Variants in F3 observed in about 807,000 individuals in gnomAD.
F3 encodes tissue factor.
F3 carries 18 observed loss-of-function variants against 33.5 expected under a neutral mutation model. That is an observed-to-expected ratio of 0.54 (90% CI 0.37 to 0.80). F3 has a LOEUF of 0.80. Ranked by LOEUF, F3 falls within the 30% of genes least tolerant of loss-of-function variation. F3 has a pLI of 0.00. For missense variants in F3, 353 were observed against 362.1 expected (o/e 0.97, Z 0.20); for synonymous variants, 147 against 140.7 (o/e 1.05, Z -0.32).
chr1:94,532,250 G>T, intron 5 of F3, 71 bp downstream of exon 5: 1 of 1,451,516 alleles, frequency 6.9e-7, no homozygotes, highest in Non-Finnish European at 9.4e-7. Context: ...AGCCCTGAGG[G>T]TGGAGCTACT....
At chr1:94,531,031 C>T (rs1372593578) in intron 5 of F3, among the ~76,000 whole-genome samples, 2 of 152,000 alleles carry the variant, frequency 1.3e-5, no homozygotes, top group African/African-American at 2.4e-5. Flanking sequence ...GTGGAAGTGG[C>T]GTTTGAAATG....
At position 94,530,456 on chromosome 1, in the gene F3, T is replaced by C; in HGVS notation, c.*4A>G. 6.2e-7 allele frequency: 1 copy of C among 1,614,120 alleles called. No homozygotes were observed. Among genetic ancestry groups the C allele is most frequent in the Non-Finnish European group, 8.5e-7 (1 of 1,180,032 alleles). On this transcript the variant is annotated 3_prime_UTR_variant, in exon 6 of 6. Coordinates refer to ENST00000334047, the MANE Select transcript of F3 (RefSeq NM_001993.5). The stretch of plus-strand genomic sequence containing the variant: ...CATTTGCAGTAGCTCCAACAGTGCT[T>C]CCTTTATGAAACATTCAGTGGGGAG...
At chr1:94,540,944 A>G (rs1024424789) in intron 1 of F3, 1 of 153,540 alleles carries the variant, frequency 6.5e-6, no homozygotes, top group African/African-American at 2.4e-5. Context: ...CTTTGCCAGT[A>G]CGCAGCAGGT....
In F3 at chr1:94,533,253, G is replaced by C; in HGVS notation, c.428C>G (p.Pro143Arg). 1 of 1,612,068 alleles carries C rather than the reference G, an allele frequency of 6.2e-7. No individual in the cohort carries two copies. Among genetic ancestry groups the C allele is most frequent in the East Asian group, 2.2e-5 (1 of 44,856 alleles). The change falls in exon 4 of 6, where the codon CCA (proline) becomes CGA (arginine). Residue 143 changes from proline to arginine, a missense_variant. By Grantham distance (103) the Pro-to-Arg change is moderately radical. Transcript: ENST00000334047. ...CACCTGTTCAAAACTCTGAATTGTT[G>C]GCTGTCCGAGGTTTGCTGAAACAAA... Reference protein sequence around the residue: ...TPYLETNLGQPTIQSFEQVGT... With the variant: ...TPYLETNLGQRTIQSFEQVGT...
At chr1:94,534,149 G>A (rs553464549) in intron 3 of F3, among the ~76,000 whole-genome samples, 7 of 152,256 alleles carry the variant, frequency 4.6e-5, no homozygotes, top group Admixed American at 1.3e-4. Flanking sequence ...TTACAGGCAC[G>A]AGCCACCATG....
Position 94,530,539 on chromosome 1 carries a change from A to G in F3, c.809T>C (p.Leu270Pro). Residue 270 changes from leucine to proline, a missense_variant, in exon 6 of 6, where the codon CTG (leucine) becomes CCG (proline). Physicochemically the swap from Leu to Pro is moderately conservative, Grantham distance 98 (BLOSUM62 -3). Transcript: ENST00000334047. Reference protein sequence around the residue: ...VFVVIILVIILAISLHKCRKA... With the variant: ...VFVVIILVIIPAISLHKCRKA... ...TCTACACTTGTGTAGAGATATAGCC[A>G]GGATGATGACAAGGATGATGACCAC... The G allele has an allele frequency of 6.2e-7, 1 of 1,614,144 alleles. No homozygotes were observed. Among genetic ancestry groups the G allele is most frequent in the Non-Finnish European group, 8.5e-7 (1 of 1,179,994 alleles).
At chr1:94,531,503 T>G (rs1392791076) in intron 5 of F3, among the ~76,000 whole-genome samples, 1 of 152,114 alleles carries the variant, frequency 6.6e-6, no homozygotes, top group Non-Finnish European at 1.5e-5. Context: ...GCTTTTACCA[T>G]GTTGGCCAGG....
chr1:94,538,558 T>C (rs1651682251), intron 2 of F3, among the ~76,000 whole-genome samples: 1 of 152,222 alleles, frequency 6.6e-6, no homozygotes, highest in African/African-American at 2.4e-5. Context: ...TTCCTCCCGC[T>C]TTGGAGCCTC....
At chr1:94,539,344 C>T (rs1279445941) in intron 2 of F3, among the ~76,000 whole-genome samples, 1 of 152,058 alleles carries the variant, frequency 6.6e-6, no homozygotes, top group Non-Finnish European at 1.5e-5. Flanking sequence ...AAAACAAGAA[C>T]ATTCACTTAA....
chr1:94,533,777 T>C (rs1047621600), intron 3 of F3, among the ~76,000 whole-genome samples: 2 of 152,142 alleles, frequency 1.3e-5, no homozygotes, highest in Non-Finnish European at 2.9e-5. Flanking sequence ...ATGATCCACT[T>C]CCACTTTATC....
intron 2 of F3, among the ~76,000 whole-genome samples, chr1:94,537,888 T>C (rs1448686533): frequency 1.3e-5 from 2 of 152,258 alleles, no homozygotes; most frequent in African/African-American, 2.4e-5. Flanking sequence ...TGTTTCCTTT[T>C]TATCAGTACA....
chr1:94,538,185 T>C (rs1337760662), intron 2 of F3, among the ~76,000 whole-genome samples: 1 of 152,224 alleles, frequency 6.6e-6, no homozygotes, highest in East Asian at 1.9e-4. Context: ...GAATTTTGAG[T>C]TAACTAAAAA....
chr1:94,533,066 A>G, intron 4 of F3, 24 bp downstream of exon 4: 1 of 1,604,120 alleles, frequency 6.2e-7, no homozygotes. Context: ...AACAGGTCAT[A>G]AAAACAAATT....
rs756016272 is a variant in F3 at position 94,536,863 on chromosome 1, T to C, written c.213-699A>G. Among the ~76,000 whole-genome samples the C allele has an allele frequency of 2.6e-5, 4 of 152,188 alleles. No individual in the cohort carries two copies. In the East Asian group the frequency reaches 7.7e-4, roughly 29 times the overall value. ...TATTAATAATATTATTAATCATTCATTGACTCCACTATATGCCAGGTATTC... is the reference window on the plus strand; with the variant it reads ...TATTAATAATATTATTAATCATTCACTGACTCCACTATATGCCAGGTATTC... On this transcript the variant is annotated intron_variant, in intron 2 of 5. Transcript: ENST00000334047.
chr1:94,541,613 C>G lies in F3; in HGVS notation c.24G>C (p.Arg8=), dbSNP rs1651784989. The G allele has an allele frequency of 6.2e-6, 9 of 1,456,220 alleles. No individual in the cohort carries two copies. Among genetic ancestry groups the G allele is most frequent in the Non-Finnish European group, 8.2e-6 (9 of 1,103,660 alleles). The allele number at this position is 1,456,220 out of a possible 1,614,324, so 90.2% of individuals were successfully genotyped here. ...CGACGGCGGTCTCGGGGCGCGGGAC[C>G]CGGGGCCAGGCAGGGGTCTCCATGT... is the stretch of plus-strand genomic sequence containing the variant. The part of the protein sequence containing the change: METPAWP[R]VPRPETAVAR... The change falls in exon 1 of 6, where the codon CGG becomes CGC. Residue 8 remains arginine, a synonymous_variant. Transcript: ENST00000334047.
rs1651380670 is a variant in F3, at chr1:94,530,264, G to A, written c.*196C>T. 3 of 592,886 alleles carry A rather than the reference G, an allele frequency of 5.1e-6. No homozygotes were observed. The highest frequency in any genetic ancestry group is 1.8e-5 in the African/African-American group (1 of 54,110). 36.7% of individuals were successfully genotyped at this position (592,886 alleles called of 1,614,324 possible). ...CTTGGAATTGGTTGTAGTACCATTC[G>A]TTACATTTCAAAGTGACTAATGCTG... On this transcript the variant is annotated 3_prime_UTR_variant, in exon 6 of 6. Transcript: ENST00000334047.
At chr1:94,533,672 C>T (rs560935105) in intron 3 of F3, among the ~76,000 whole-genome samples, 199 of 152,112 alleles carry the variant, frequency 1.3e-3, no homozygotes, top group Non-Finnish European at 2.5e-3. Flanking sequence ...CTCCTACTTC[C>T]TCCATCTTTT....
intron 2 of F3, among the ~76,000 whole-genome samples, chr1:94,539,998 C>T (rs1438700502): frequency 6.6e-6 from 1 of 152,218 alleles, no homozygotes; most frequent in East Asian, 1.9e-4. Flanking sequence ...CATCTCTCCA[C>T]AGTTTATACT....
In F3 at chr1:94,538,294, G is replaced by A. The variant is rs546476155; in HGVS notation, c.212+1963C>T. Among the ~76,000 whole-genome samples, 4 of 152,290 alleles carry A rather than the reference G, an allele frequency of 2.6e-5. No homozygotes were observed. In the South Asian group the frequency reaches 6.2e-4, roughly 24 times the overall value. The stretch of plus-strand genomic sequence containing the variant: ...CCATGGAATGAATATCACCGGTGAC[G>A]GTTTGTGCTAAGGCTTAAGCCAATA... On this transcript the variant is annotated intron_variant, in intron 2 of 5. Transcript: ENST00000334047.
Sources: gnomAD v4.1 joint callset for allele counts (sites outside exome capture counted in the v4.1 genomes callset) on GRCh38, gnomAD v4.1.1 for gene constraint, MANE v1.5 for transcripts, NCBI Gene and HGNC (gene_info 2026-07-23, HGNC 2026-07-21) for gene names.